The following SUFU variants were observed in gnomAD, a reference collection of about 807,000 sequenced individuals.
SUFU encodes suppressor of fused homolog.
A neutral mutation model predicts 58.9 loss-of-function variants in SUFU; 7 were observed. The ratio of observed to expected loss-of-function variants is 0.12; its 90% CI spans 0.07 to 0.22. SUFU has a LOEUF of 0.22. SUFU is among the 10% of genes least tolerant of loss of function. The pLI is 1.00. For synonymous variants in SUFU, 232 were observed against 254.8 expected (o/e 0.91, Z 0.85); for missense variants, 451 against 641.3 (o/e 0.70, Z 3.20).
At chr10:102,578,641 G>A (rs568134291) in intron 3 of SUFU, among the ~76,000 whole-genome samples, 1 of 151,418 alleles carries the variant, frequency 6.6e-6, no homozygotes, top group Non-Finnish European at 1.5e-5. Flanking sequence ...CTGTGAGGCA[G>A]AGGTTGCCGT....
At chr10:102,528,175 G>A (rs2062633473) in intron 2 of SUFU, among the ~76,000 whole-genome samples, 2 of 152,164 alleles carry the variant, frequency 1.3e-5, no homozygotes, top group South Asian at 4.1e-4. Flanking sequence ...GTTGGGAGTA[G>A]ATGGAAGAAG....
chr10:102,604,467 G>T (rs1347172934), intron 8 of SUFU, among the ~76,000 whole-genome samples: 1 of 152,198 alleles, frequency 6.6e-6, no homozygotes, highest in African/African-American at 2.4e-5. Context: ...CTCAACTTCA[G>T]AATTCCTTGC....
chr10:102,536,263 G>T (rs2062739014), intron 2 of SUFU, among the ~76,000 whole-genome samples: 1 of 151,238 alleles, frequency 6.6e-6, no homozygotes, highest in African/African-American at 2.4e-5. Context: ...GAGCCACTGT[G>T]CCTGGCCAGG....
At position 102,515,456 on chromosome 10, in the gene SUFU, C is replaced by T. The variant is rs1490705345; in HGVS notation, c.317+6153C>T. 2.6e-5 allele frequency among the ~76,000 whole-genome samples: 4 copies of T among 152,046 alleles called. No homozygotes were observed. In the East Asian group the frequency reaches 7.8e-4, roughly 30 times the overall value. On this transcript the variant is annotated intron_variant, in intron 2 of 11. Transcript: ENST00000369902. ...TCAGCCTCCCAAGTAGCTGGGACTACAGGCGCATGCCACCATGCCTGGCTA... is the reference window on the plus strand; with the variant it reads ...TCAGCCTCCCAAGTAGCTGGGACTATAGGCGCATGCCACCATGCCTGGCTA...
intron 1 of SUFU, 97 bp from the exon 2 acceptor site, chr10:102,509,072 A>T (rs1471141037): frequency 6.4e-6 from 10 of 1,563,420 alleles, no homozygotes; most frequent in Non-Finnish European, 8.8e-6. Context: ...AGGTTCCTCC[A>T]GGATGGGTCC....
chr10:102,529,226 GTTTA>G (rs1424554184), intron 2 of SUFU, among the ~76,000 whole-genome samples: 4 of 152,114 alleles, frequency 2.6e-5, no homozygotes, highest in Non-Finnish European at 5.9e-5. Context: ...CTCTGCAGTT[GTTTA>G]TTTAGTAGTT....
intron 3 of SUFU, among the ~76,000 whole-genome samples, chr10:102,567,390 A>T (rs1196500369): frequency 6.6e-6 from 1 of 152,010 alleles, no homozygotes; most frequent in African/African-American, 2.4e-5. Flanking sequence ...GTGGAAAATG[A>T]CTGGCACCCG....
At chr10:102,513,997 A>G (rs1275105492) in intron 2 of SUFU, among the ~76,000 whole-genome samples, 4 of 151,388 alleles carry the variant, frequency 2.6e-5, no homozygotes, top group Non-Finnish European at 5.9e-5. Context: ...CGATCCTCCT[A>G]CCTCAGCCTC....
At chr10:102,504,795 G>C (rs1353822723) in intron 1 of SUFU, among the ~76,000 whole-genome samples, 2 of 151,678 alleles carry the variant, frequency 1.3e-5, no homozygotes, top group Non-Finnish European at 2.9e-5. Flanking sequence ...TGCATAGAAT[G>C]GGGGGTTCGG....
chr10:102,547,666 T>C (rs1461733234), intron 2 of SUFU, among the ~76,000 whole-genome samples: 2 of 152,106 alleles, frequency 1.3e-5, no homozygotes, highest in South Asian at 2.1e-4. Flanking sequence ...TACAAAAGTT[T>C]TAAAAATTAG....
rs544444758 is a variant in SUFU, at chr10:102,518,465, G to C, written c.317+9162G>C. ...AGAGTTAACCAGAAAGTGCTTTGTG[G>C]GGGGAAATGTTGAGCTGGATGTAGA... is the stretch of plus-strand genomic sequence containing the variant. On this transcript the variant is annotated intron_variant, in intron 2 of 11. Coordinates refer to ENST00000369902, the MANE Select transcript of SUFU (RefSeq NM_016169.4). 7.9e-5 allele frequency among the ~76,000 whole-genome samples: 12 copies of C among 152,260 alleles called. No individual in the cohort carries two copies. In the East Asian group the frequency reaches 2.3e-3, roughly 29 times the overall value.
chr10:102,521,021 A>G (rs952690137), intron 2 of SUFU, among the ~76,000 whole-genome samples: 2 of 152,226 alleles, frequency 1.3e-5, no homozygotes, highest in African/African-American at 4.8e-5. Flanking sequence ...TGTTAAGACT[A>G]TGTTTAGCTT....
rs2063695795 is a variant in SUFU, at chr10:102,617,220, G to A, written c.1158-70G>A. The A allele has an allele frequency of 1.2e-6, 2 of 1,609,098 alleles. No homozygotes were observed. The highest frequency in any genetic ancestry group is 2.7e-5 in the African/African-American group (2 of 74,962). ...ATAGTCCCCACTGTCCCAGAGCCTTGGCCAGGCCTGCTGTGCTTGGAACTG... is the reference window on the plus strand; with the variant it reads ...ATAGTCCCCACTGTCCCAGAGCCTTAGCCAGGCCTGCTGTGCTTGGAACTG... On this transcript the variant is annotated intron_variant, in intron 9 of 11. Coordinates refer to ENST00000369902, the MANE Select transcript of SUFU (RefSeq NM_016169.4). This position sits in a 1 kb window ranked among gnomAD's most constrained non-coding sequence, Gnocchi z 4.4.
chr10:102,568,395 G>A (rs1392794085), intron 3 of SUFU, among the ~76,000 whole-genome samples: 1 of 152,022 alleles, frequency 6.6e-6, no homozygotes, highest in Admixed American at 6.6e-5. Flanking sequence ...ATGTTACTTT[G>A]TAACTTAAAT....
chr10:102,568,371 CTT>C (rs1028706958), intron 3 of SUFU, among the ~76,000 whole-genome samples: 1 of 152,132 alleles, frequency 6.6e-6, no homozygotes, highest in South Asian at 2.1e-4. Context: ...GTTTGACTCT[CTT>C]ATAATAAGCC....
At chr10:102,531,530 G>T (rs559522494) in intron 2 of SUFU, among the ~76,000 whole-genome samples, 4 of 152,158 alleles carry the variant, frequency 2.6e-5, no homozygotes, top group Non-Finnish European at 5.9e-5. Flanking sequence ...TCAGTGGGGT[G>T]TACAAAGGGG....
intron 9 of SUFU, among the ~76,000 whole-genome samples, chr10:102,616,290 C>G (rs1469470581): frequency 6.6e-6 from 1 of 152,186 alleles, no homozygotes; most frequent in Non-Finnish European, 1.5e-5. Flanking sequence ...AGGGGCTCCA[C>G]CCACACTTTG....
rs17114808 is a variant in SUFU, at chr10:102,631,528, C to A, written c.*1373C>A. 4.3e-6 allele frequency: 1 copy of A among 233,334 alleles called. No individual in the cohort carries two copies. The highest frequency in any genetic ancestry group is 8.5e-6 in the Non-Finnish European group (1 of 118,200). 14.5% of individuals were successfully genotyped at this position (233,334 alleles called of 1,614,324 possible). ...CCCAACTCTAGGGATGGGACTGTTA[C>A]AATACTTCAAGATCACTCTTTACAC... On this transcript the variant is annotated 3_prime_UTR_variant, in exon 12 of 12. Coordinates refer to ENST00000369902, the MANE Select transcript of SUFU (RefSeq NM_016169.4).
intron 2 of SUFU, among the ~76,000 whole-genome samples, chr10:102,514,803 A>G (rs1287861279): frequency 6.6e-6 from 1 of 152,236 alleles, no homozygotes; most frequent in Non-Finnish European, 1.5e-5. Flanking sequence ...TACCACCAAC[A>G]GCTCTGGCTA....
Sources: gnomAD v4.1 joint callset for allele counts (sites outside exome capture counted in the v4.1 genomes callset) on GRCh38, gnomAD v4.1.1 for gene constraint, Gnocchi (gnomAD v3.1) non-coding constraint, MANE v1.5 for transcripts, NCBI Gene and HGNC (gene_info 2026-07-23, HGNC 2026-07-21) for gene names.